The following SYCP2 variants were observed in gnomAD, a reference collection of about 807,000 sequenced individuals.
The protein encoded by SYCP2 is synaptonemal complex protein 2.
In SYCP2, 55 loss-of-function variants were observed where a neutral mutation model predicts 211.3. The observed-to-expected ratio is 0.26, with a 90% confidence interval of 0.21 to 0.33. The LOEUF (loss-of-function observed/expected upper bound fraction) is 0.33. Among genes scored for constraint, SYCP2 ranks in the 10% least tolerant of loss-of-function variants. The pLI is 1.00. For synonymous variants in SYCP2, 570 were observed against 555.2 expected (o/e 1.03, Z -0.37); for missense variants, 1,731 against 1,752.0 (o/e 0.99, Z 0.21).
At position 59,892,349 on chromosome 20, in the gene SYCP2, T is replaced by C; in HGVS notation, c.2005A>G (p.Lys669Glu). 2 of 1,600,590 alleles carry C rather than the reference T, an allele frequency of 1.2e-6. No homozygotes were observed. Among genetic ancestry groups the C allele is most frequent in the Non-Finnish European group, 1.7e-6 (2 of 1,171,408 alleles). The change falls in exon 24 of 45, where the codon AAA (lysine) becomes GAA (glutamate). Residue 669 changes from lysine to glutamate, a missense_variant. Lys to Glu is a moderately conservative substitution (Grantham distance 56). Transcript: ENST00000357552. ...GTTTGTTCTTTCTTATATTTCACTT[T>C]TCCTGTTCCTTCAGAATTATGATCA... ...ISDHNSEGTG[K>E]VKYKKEQTDH...
At chr20:59,922,657 T>C (rs1600990411) in intron 2 of SYCP2, among the ~76,000 whole-genome samples, 198 bp from the exon 3 acceptor site, 1 of 151,802 alleles carries the variant, frequency 6.6e-6, no homozygotes, top group South Asian at 2.1e-4. Flanking sequence ...GAAGATCATT[T>C]AGTCAAGCTC....
chr20:59,902,743 A>G (rs917722151), intron 15 of SYCP2, among the ~76,000 whole-genome samples: 2 of 152,180 alleles, frequency 1.3e-5, no homozygotes, highest in Non-Finnish European at 2.9e-5. Flanking sequence ...CTTTCACAGT[A>G]ATGACCTTTG....
chr20:59,915,235 G>C, intron 9 of SYCP2, 36 bp from the exon 10 acceptor site: 1 of 1,443,618 alleles, frequency 6.9e-7, no homozygotes, highest in African/African-American at 1.4e-5. Context: ...AAATAGACCA[G>C]TATCAATTAA....
chr20:59,864,436 G>C (rs752023512), intron 44 of SYCP2, 48 bp from the exon 45 acceptor site: 1 of 1,266,526 alleles, frequency 7.9e-7, no homozygotes, highest in Non-Finnish European at 1.1e-6. Context: ...CATTTTCGCT[G>C]TAAAACCACC....
At chr20:59,872,253 G>C (rs1396819055) in intron 35 of SYCP2, among the ~76,000 whole-genome samples, 1 of 151,922 alleles carries the variant, frequency 6.6e-6, no homozygotes, top group South Asian at 2.1e-4. Flanking sequence ...TTCAAATTGT[G>C]CACAATTCTG....
chr20:59,879,851 A>C (rs2059637949), intron 31 of SYCP2, among the ~76,000 whole-genome samples: 1 of 132,830 alleles, frequency 7.5e-6, no homozygotes, highest in Non-Finnish European at 1.6e-5. Context: ...ATATATATAT[A>C]TATATATATA....
At chr20:59,913,897 T>A in intron 12 of SYCP2, 78 bp downstream of exon 12, 2 of 1,035,358 alleles carry the variant, frequency 1.9e-6, no homozygotes, top group Non-Finnish European at 2.8e-6. Context: ...GTTAAATGTA[T>A]AAAGATGCAA....
chr20:59,922,177 T>C (rs1460207698), intron 3 of SYCP2, among the ~76,000 whole-genome samples: 1 of 151,590 alleles, frequency 6.6e-6, no homozygotes, highest in Non-Finnish European at 1.5e-5. Flanking sequence ...GTATAAAGAA[T>C]CAGCATTTTT....
At chr20:59,912,512 T>G (rs1237818557) in intron 12 of SYCP2, 94 bp from the exon 13 acceptor site, 1 of 495,320 alleles carries the variant, frequency 2.0e-6, no homozygotes, top group Non-Finnish European at 3.6e-6. Context: ...CAAAAGGAAA[T>G]CAGGCAGTGG....
chr20:59,866,216 A>T (rs1327513391), intron 41 of SYCP2, 77 bp downstream of exon 41: 2 of 939,894 alleles, frequency 2.1e-6, no homozygotes, highest in African/African-American at 1.7e-5. Flanking sequence ...GTGCTCCCAA[A>T]AAAGAAAGTT....
At chr20:59,915,603 T>A in intron 8 of SYCP2, 53 bp from the exon 9 acceptor site, 3 of 1,108,210 alleles carry the variant, frequency 2.7e-6, no homozygotes, top group Non-Finnish European at 4.1e-6. Context: ...GAAACACTAT[T>A]AAGAGAAATA....
At chr20:59,870,618 A>G (rs939819699) in intron 35 of SYCP2, among the ~76,000 whole-genome samples, 4 of 151,844 alleles carry the variant, frequency 2.6e-5, no homozygotes, top group Non-Finnish European at 5.9e-5. Flanking sequence ...AAAAATGGCA[A>G]TTCTTCCCTT....
chr20:59,910,771 G>A (rs968290510), intron 14 of SYCP2, among the ~76,000 whole-genome samples: 16 of 150,978 alleles, frequency 1.1e-4, no homozygotes, highest in Non-Finnish European at 2.2e-4. Context: ...GTAATGGCAA[G>A]AACCGCAATT....
chr20:59,912,276 A>T (rs1447014364), intron 13 of SYCP2, 97 bp downstream of exon 13: 2 of 577,086 alleles, frequency 3.5e-6, no homozygotes, highest in Admixed American at 7.3e-5. Flanking sequence ...TCTAATTACA[A>T]CTATTTTTAG....
At position 59,865,610 on chromosome 20, in the gene SYCP2, C is replaced by T. The variant is rs929413823; in HGVS notation, c.4421G>A (p.Cys1474Tyr). The T allele has an allele frequency of 1.0e-5, 16 of 1,605,230 alleles. No individual in the cohort carries two copies. Among genetic ancestry groups the T allele is most frequent in the Non-Finnish European group, 1.3e-5 (15 of 1,176,608 alleles). Residue 1474 changes from cysteine (C) to tyrosine (Y), a missense_variant, in exon 43 of 45, where the codon TGT (cysteine) becomes TAT (tyrosine). By Grantham distance (194) the Cys-to-Tyr change is radical. This residue lies in a region of SYCP2 where 1,387 missense variants were observed against 1,351.3 expected (regional missense o/e 1.03). Transcript: ENST00000357552. ...LKTSLAKSVF[C>Y]NTDSEETVFT... ...AACAGTTTCTTCACTATCAGTATTA[C>T]AGAAGACACTTTTAGCCAATGAAGT...
At chr20:59,908,180 C>T (rs1240471617) in intron 14 of SYCP2, among the ~76,000 whole-genome samples, 1 of 152,048 alleles carries the variant, frequency 6.6e-6, no homozygotes, top group African/African-American at 2.4e-5. Flanking sequence ...ACCCGGGAGG[C>T]GGAGCTTGCA....
chr20:59,877,312 A>G, intron 33 of SYCP2, 73 bp downstream of exon 33: 2 of 1,030,158 alleles, frequency 1.9e-6, no homozygotes, highest in Non-Finnish European at 2.6e-6. Flanking sequence ...GATAAATTTG[A>G]CATTTTTTAC....
intron 2 of SYCP2, 49 bp from the exon 3 acceptor site, chr20:59,922,508 G>A: frequency 1.0e-6 from 1 of 956,472 alleles, no homozygotes; most frequent in East Asian, 2.7e-5. Flanking sequence ...TGTTTCATGT[G>A]TTTATCAGTT....
chr20:59,919,215 G>T, intron 6 of SYCP2, 33 bp from the exon 7 acceptor site: 1 of 1,068,848 alleles, frequency 9.4e-7, no homozygotes, highest in Non-Finnish European at 1.4e-6. Context: ...TAATTTACAA[G>T]TTACTATATA....
Sources: gnomAD v4.1 joint callset for allele counts (sites outside exome capture counted in the v4.1 genomes callset) on GRCh38, gnomAD v4.1.1 for gene constraint, gnomAD v4.1.1 regional missense constraint, MANE v1.5 for transcripts, NCBI Gene and HGNC (gene_info 2026-07-23, HGNC 2026-07-21) for gene names.